SDK1: variants seen among roughly 807,000 people sequenced by gnomAD.
The protein encoded by SDK1 is protein sidekick-1.
In SDK1, 157 loss-of-function variants were observed where a neutral mutation model predicts 245.5. The observed-to-expected ratio is 0.64, with a 90% CI of 0.56 to 0.73. The LOEUF is 0.73. Among genes scored for constraint, SDK1 ranks in the 30% least tolerant of loss-of-function variants. The pLI is 0.00. For missense variants in SDK1, 3,583 were observed against 3,002.3 expected (o/e 1.19, Z -4.52); for synonymous variants, 1,647 against 1,278.5 (o/e 1.29, Z -6.15).
chr7:4,217,613 C>T (rs1215318675), intron 38 of SDK1, among the ~76,000 whole-genome samples: 1 of 151,888 alleles, frequency 6.6e-6, no homozygotes, highest in African/African-American at 2.4e-5. Flanking sequence ...CCCGGAGAAC[C>T]ACACCACCCG....
At chr7:3,840,672 T>A (rs372407919) in intron 5 of SDK1, among the ~76,000 whole-genome samples, 1 of 152,244 alleles carries the variant, frequency 6.6e-6, no homozygotes, top group South Asian at 2.1e-4. Context: ...ATACTGCGGT[T>A]CACGGACAAC....
chr7:3,969,249 T>C lies in SDK1; in HGVS notation c.1547-8T>C. 6.3e-7 allele frequency: 1 copy of C among 1,590,128 alleles called. No homozygotes were observed. The highest frequency in any genetic ancestry group is 1.2e-5 in the South Asian group (1 of 86,194). ...TGTAACATGCCTCTTTTCTCCACTGTTCTTTAGAAAACCACATTCTGGCCA... is the reference window on the plus strand; with the variant it reads ...TGTAACATGCCTCTTTTCTCCACTGCTCTTTAGAAAACCACATTCTGGCCA... On this transcript the variant is annotated splice_region_variant and splice_polypyrimidine_tract_variant and intron_variant, in intron 10 of 44. Transcript: ENST00000404826.
At chr7:3,535,916 G>C (rs1243845946) in intron 1 of SDK1, among the ~76,000 whole-genome samples, 2 of 151,856 alleles carry the variant, frequency 1.3e-5, no homozygotes, top group Non-Finnish European at 2.9e-5. Context: ...ATGCTTTTAT[G>C]TAAACATATT....
Position 3,978,747 on chromosome 7 carries a change from A to G in SDK1, c.1994+4202A>G, listed in dbSNP as rs187537695. Among the ~76,000 whole-genome samples, 1,024 of 152,084 alleles carry G rather than the reference A, an allele frequency of 6.7e-3. 9 individuals carry two copies. Among genetic ancestry groups the G allele is most frequent in the African/African-American group, 0.023 (954 of 41,502 alleles). On this transcript the variant is annotated intron_variant, in intron 13 of 44. Transcript: ENST00000404826. ...TTTCCATCATTTACTCAGATAACCA[A>G]AAAAAAAGCAAGAGAAAAATCTCAT...
rs1583993762 is a variant in SDK1 at position 3,522,397 on chromosome 7, T to C, written c.299-96683T>C. 3.9e-5 allele frequency among the ~76,000 whole-genome samples: 6 copies of C among 152,316 alleles called. No homozygotes were observed. The South Asian group carries it at 1.2e-3, about 32-fold the overall frequency. ...ATTCCAGTCTTTAATTCGGAGACAA[T>C]GCCCAATCACTGTGGCTACTCTTAG... On this transcript the variant is annotated intron_variant, in intron 1 of 44. Coordinates refer to ENST00000404826, the MANE Select transcript of SDK1 (RefSeq NM_152744.4).
chr7:3,399,816 G>C (rs1778834978), intron 1 of SDK1, among the ~76,000 whole-genome samples: 1 of 152,026 alleles, frequency 6.6e-6, no homozygotes, highest in Non-Finnish European at 1.5e-5. Flanking sequence ...ACATGTGTGT[G>C]GAGTTCCAGA....
intron 1 of SDK1, among the ~76,000 whole-genome samples, chr7:3,539,737 A>G (rs879941424): frequency 6.6e-5 from 10 of 152,244 alleles, no homozygotes; most frequent in Non-Finnish European, 1.5e-4. Context: ...AGTAGTGGAA[A>G]TGAATGAGGT....
chr7:3,595,718 G>C (rs1357357029), intron 1 of SDK1, among the ~76,000 whole-genome samples: 1 of 147,394 alleles, frequency 6.8e-6, no homozygotes, highest in Non-Finnish European at 1.5e-5. Flanking sequence ...GTTAGACTTT[G>C]AACGAGTCTA....
rs1781379793 is a variant in SDK1 at position 3,605,142 on chromosome 7, A to G, written c.299-13938A>G. On this transcript the variant is annotated intron_variant, in intron 1 of 44. Transcript: ENST00000404826. Reference sequence around the variant, plus strand: ...ATAGCACTTGAGGAAAAAAAAAACAAGAAACACACACACACACACACACTA... The same window carrying G: ...ATAGCACTTGAGGAAAAAAAAAACAGGAAACACACACACACACACACACTA... Among the ~76,000 whole-genome samples the G allele has an allele frequency of 2.4e-5, 3 of 124,852 alleles. 1 individual carries two copies. In the South Asian group the frequency reaches 8.7e-4, roughly 36 times the overall value. The allele number at this position is 124,852 out of a possible 152,430, so 81.9% of individuals were successfully genotyped here.
intron 1 of SDK1, among the ~76,000 whole-genome samples, chr7:3,531,406 A>AT (rs1783339593): frequency 6.6e-6 from 1 of 152,176 alleles, no homozygotes; most frequent in Admixed American, 6.5e-5. Flanking sequence ...GCATTTGAAA[A>AT]TTTAAATTTT....
intron 5 of SDK1, among the ~76,000 whole-genome samples, chr7:3,904,331 T>C (rs552900740): frequency 6.6e-6 from 1 of 152,204 alleles, no homozygotes; most frequent in African/African-American, 2.4e-5. Context: ...GGATTTCCTT[T>C]TGGAGTGGAA....
chr7:3,553,921 C>A (rs1017975598), intron 1 of SDK1, among the ~76,000 whole-genome samples: 13 of 152,140 alleles, frequency 8.5e-5, no homozygotes, highest in Non-Finnish European at 1.6e-4. Flanking sequence ...GTGGGAGCCC[C>A]CATCAGAACC....
intron 1 of SDK1, among the ~76,000 whole-genome samples, chr7:3,549,590 A>C (rs1779337009): frequency 6.6e-6 from 1 of 152,212 alleles, no homozygotes; most frequent in South Asian, 2.1e-4. Flanking sequence ...GAGTGTTTAC[A>C]TCTGCGATCA....
At chr7:4,216,847 C>G (rs1415283218) in intron 38 of SDK1, among the ~76,000 whole-genome samples, 1 of 152,202 alleles carries the variant, frequency 6.6e-6, no homozygotes, top group Non-Finnish European at 1.5e-5. Flanking sequence ...AGTCACTCCA[C>G]TGTGAACACA....
intron 1 of SDK1, among the ~76,000 whole-genome samples, chr7:3,378,374 G>T (rs1295969378): frequency 6.6e-6 from 1 of 152,198 alleles, no homozygotes; most frequent in African/African-American, 2.4e-5. Context: ...GGGTGGGACG[G>T]GAGGTAGACA....
At chr7:3,481,584 T>C (rs755675281) in intron 1 of SDK1, among the ~76,000 whole-genome samples, 4 of 152,196 alleles carry the variant, frequency 2.6e-5, no homozygotes, top group Non-Finnish European at 4.4e-5. Context: ...ATTCTGACCC[T>C]TGAACCACCC....
At chr7:3,980,867 G>A (rs1783346673) in intron 13 of SDK1, among the ~76,000 whole-genome samples, 1 of 152,018 alleles carries the variant, frequency 6.6e-6, no homozygotes, top group African/African-American at 2.4e-5. Flanking sequence ...CTCGAACTCA[G>A]GAGGCGGAGG....
intron 1 of SDK1, among the ~76,000 whole-genome samples, chr7:3,414,444 G>A (rs548047706): frequency 1.1e-4 from 16 of 152,252 alleles, no homozygotes; most frequent in African/African-American, 3.6e-4. Flanking sequence ...GGTAGTGTCC[G>A]AAAATCTGGA....
At chr7:4,260,522 G>A (rs1405078812) in intron 44 of SDK1, among the ~76,000 whole-genome samples, 1 of 115,548 alleles carries the variant, frequency 8.7e-6, no homozygotes, top group Non-Finnish European at 1.7e-5. Context: ...CTGCTCCGGG[G>A]TCTCTGTGTG....
Sources: allele counts gnomAD v4.1 joint callset (sites outside exome capture counted in the v4.1 genomes callset), GRCh38; gene constraint gnomAD v4.1.1; transcripts MANE v1.5; gene names NCBI Gene and HGNC (gene_info 2026-07-23, HGNC 2026-07-21).